Variants in ABCC8 observed in about 807,000 individuals in gnomAD.
The protein encoded by ABCC8 is ATP binding cassette subfamily C member 8, also known as ATP-binding cassette sub-family C member 8.
ABCC8 carries 137 observed loss-of-function variants against 188.0 expected under a neutral mutation model. The observed-to-expected ratio is 0.73, with a 90% CI of 0.63 to 0.84. The LOEUF is 0.84. Among genes scored for constraint, ABCC8 ranks in the 40% least tolerant of loss-of-function variants. The pLI is 0.00. For missense variants in ABCC8, 1,750 were observed against 2,072.7 expected (o/e 0.84, Z 3.02); for synonymous variants, 797 against 846.5 (o/e 0.94, Z 1.01).
chr11:17,420,200 G>A (rs927910299), intron 16 of ABCC8, among the ~76,000 whole-genome samples: 3 of 152,188 alleles, frequency 2.0e-5, no homozygotes, highest in Non-Finnish European at 4.4e-5. Flanking sequence ...CAGGCTTGTC[G>A]CTGTCCTGAA....
chr11:17,443,978 G>A (rs969057339), intron 8 of ABCC8, among the ~76,000 whole-genome samples: 10 of 152,068 alleles, frequency 6.6e-5, no homozygotes, highest in Non-Finnish European at 1.2e-4. Context: ...CTAAATACAG[G>A]GCTTTTTCTC....
At chr11:17,397,591 A>G in intron 31 of ABCC8, 93 bp downstream of exon 31, 1 of 1,495,760 alleles carries the variant, frequency 6.7e-7, no homozygotes, top group South Asian at 1.2e-5. Context: ...AAATTGGGGT[A>G]AGGCCTGGGA....
chr11:17,393,974 T>C (rs1319945957), intron 37 of ABCC8, among the ~76,000 whole-genome samples: 1 of 152,022 alleles, frequency 6.6e-6, no homozygotes, highest in East Asian at 1.9e-4. Flanking sequence ...TAGGTTGTGG[T>C]TGTGGCTGTG....
At chr11:17,436,898 G>A (rs1956121087) in intron 10 of ABCC8, among the ~76,000 whole-genome samples, 1 of 152,084 alleles carries the variant, frequency 6.6e-6, no homozygotes, top group Non-Finnish European at 1.5e-5. Flanking sequence ...AGACCAGCCT[G>A]GCCAACATGG....
chr11:17,468,681 G>A (rs1447548784), intron 3 of ABCC8, among the ~76,000 whole-genome samples: 3 of 152,134 alleles, frequency 2.0e-5, no homozygotes, highest in African/African-American at 7.2e-5. Flanking sequence ...GGTAGGATGG[G>A]GCCTGGCATA....
chr11:17,423,279 C>T (rs1955432069), intron 16 of ABCC8, among the ~76,000 whole-genome samples: 1 of 143,062 alleles, frequency 7.0e-6, no homozygotes, highest in Non-Finnish European at 1.5e-5. Context: ...ATCGCTTGAA[C>T]CTAGGAGGCA....
chr11:17,417,338 T>C (rs1042235270), intron 16 of ABCC8, among the ~76,000 whole-genome samples: 8 of 152,064 alleles, frequency 5.3e-5, no homozygotes, highest in Non-Finnish European at 1.2e-4. Context: ...AATCATTGGG[T>C]CTGGAATAAG....
Position 17,431,056 on chromosome 11 carries a change from T to G in ABCC8, c.1672-97A>C, listed in dbSNP as rs8192694. 226,191 of 1,549,756 alleles carry G rather than the reference T, an allele frequency of 0.15. 17,502 individuals are homozygous for G. Among genetic ancestry groups the G allele is most frequent in the South Asian group, 0.18 (14,995 of 85,434 alleles). On this transcript the variant is annotated intron_variant, in intron 11 of 38. Coordinates refer to ENST00000389817, the MANE Select transcript of ABCC8 (RefSeq NM_000352.6). ...CACTGGAAGGGAAATGAGAGGGCTG[T>G]CAGGGAGCAGGCTCCTAAGAGGATC... is the stretch of plus-strand genomic sequence containing the variant.
Position 17,453,406 on chromosome 11 carries a change from G to C in ABCC8, c.1012-123C>G, listed in dbSNP as rs551333402. On this transcript the variant is annotated intron_variant, in intron 6 of 38. Coordinates refer to ENST00000389817, the MANE Select transcript of ABCC8 (RefSeq NM_000352.6). ...TACAAGACCCTCTGGGCTTGCAAAG[G>C]CTTGTGCAATTGTTTATGAGTGAAA... 2.1e-4 allele frequency: 285 copies of C among 1,355,062 alleles called. 1 individual carries two copies. In the South Asian group the frequency reaches 3.4e-3, roughly 16 times the overall value. The allele number at this position is 1,355,062 out of a possible 1,614,324, so 83.9% of individuals were successfully genotyped here. A position where few individuals can be genotyped will look rare whatever the true frequency, so the allele number is the denominator to read the frequency against.
chr11:17,454,541 T>C (rs981117756), intron 6 of ABCC8, among the ~76,000 whole-genome samples: 2 of 151,896 alleles, frequency 1.3e-5, no homozygotes, highest in African/African-American at 4.8e-5. Flanking sequence ...AGGTCGAAGG[T>C]AGAAGGGCAG....
intron 1 of ABCC8, among the ~76,000 whole-genome samples, chr11:17,475,409 G>T (rs1030631004): frequency 7.2e-6 from 1 of 139,696 alleles, no homozygotes; most frequent in Non-Finnish European, 1.6e-5. Flanking sequence ...TAGAAAGGGC[G>T]GGGGGGGTCT....
intron 28 of ABCC8, among the ~76,000 whole-genome samples, chr11:17,403,866 T>C (rs1591734389): frequency 6.6e-6 from 1 of 152,212 alleles, no homozygotes; most frequent in Non-Finnish European, 1.5e-5. Flanking sequence ...ATTGGCAGTT[T>C]GAGAAACACT....
In ABCC8 at chr11:17,397,174, C is replaced by T. The variant is rs576340695; in HGVS notation, c.3988+19G>A. On this transcript the variant is annotated intron_variant, in intron 32 of 38. Transcript: ENST00000389817. ...CTCCTCCTTGGACTCTTCCCCACCC[C>T]TCTCCCTGAGCCTCTCACCCAGGAG... The T allele has an allele frequency of 6.2e-7, 1 of 1,613,504 alleles. No individual in the cohort carries two copies. The highest frequency in any genetic ancestry group is 8.5e-7 in the Non-Finnish European group (1 of 1,180,008).
chr11:17,409,094 A>G (rs1340982162), intron 22 of ABCC8, among the ~76,000 whole-genome samples: 1 of 149,694 alleles, frequency 6.7e-6, no homozygotes, highest in Non-Finnish European at 1.5e-5. Context: ...CTGGGACCAC[A>G]GGTGCACGCC....
chr11:17,462,981 T>C (rs1417183041), intron 4 of ABCC8, among the ~76,000 whole-genome samples: 2 of 150,354 alleles, frequency 1.3e-5, no homozygotes, highest in African/African-American at 4.9e-5. Context: ...CCTGGGGAGG[T>C]AGGGGCAGGG....
Position 17,408,480 on chromosome 11 carries a change from C to A in ABCC8, c.2732G>T (p.Gly911Val). The change falls in exon 23 of 39, where the codon GGT (glycine) becomes GTT (valine). Residue 911 changes from glycine to valine, a missense_variant. Gly to Val is a moderately radical substitution (Grantham distance 109). Coordinates refer to ENST00000389817, the MANE Select transcript of ABCC8 (RefSeq NM_000352.6). ...AMKDGTIQRE[G>V]TLKDFQRSEC... The stretch of plus-strand genomic sequence containing the variant: ...AGACCTCTGGAAGTCCTTGAGGGTA[C>A]CCTCCCTCTGGATGGTGCCATCCTT... 2 of 1,613,670 alleles carry A rather than the reference C, an allele frequency of 1.2e-6. No homozygotes were observed. The highest frequency in any genetic ancestry group is 1.7e-6 in the Non-Finnish European group (2 of 1,180,018).
chr11:17,405,018 G>A (rs539411221), intron 27 of ABCC8, among the ~76,000 whole-genome samples: 3 of 152,228 alleles, frequency 2.0e-5, no homozygotes, highest in South Asian at 2.1e-4. Flanking sequence ...GCCTGCCTCC[G>A]CCTCCCAAAG....
chr11:17,410,598 C>T lies in ABCC8; in HGVS notation c.2612G>A (p.Gly871Asp), dbSNP rs749394828. ...GTCGTCCCGGAGCAGCTCAAGGATG[C>T]CGGCCTGCATTAAGTGGTCACTCAG... is the stretch of plus-strand genomic sequence containing the variant. ...IHLSDHLMQA[G>D]ILELLRDDKR... Residue 871 changes from glycine (G) to aspartate (D), a missense_variant, in exon 22 of 39, where the codon GGC becomes GAC. Coordinates refer to ENST00000389817, the MANE Select transcript of ABCC8 (RefSeq NM_000352.6). The T allele has an allele frequency of 6.2e-7, 1 of 1,614,094 alleles. No homozygotes were observed. The highest frequency in any genetic ancestry group is 1.1e-5 in the South Asian group (1 of 91,082).
At chr11:17,451,972 C>G (rs1380061631) in intron 7 of ABCC8, among the ~76,000 whole-genome samples, 1 of 152,156 alleles carries the variant, frequency 6.6e-6, no homozygotes, top group Admixed American at 6.5e-5. Flanking sequence ...GCTATGGAGA[C>G]AAAAGTCACA....
Sources: allele counts gnomAD v4.1 joint callset (sites outside exome capture counted in the v4.1 genomes callset), GRCh38; gene constraint gnomAD v4.1.1; transcripts MANE v1.5; gene names NCBI Gene and HGNC (gene_info 2026-07-23, HGNC 2026-07-21).